Variants in EXOSC1 observed in about 807,000 individuals in gnomAD.
EXOSC1 encodes the protein exosome component 1.
In EXOSC1, 27 loss-of-function variants were observed where a neutral mutation model predicts 31.4. The observed-to-expected ratio is 0.86, with a 90% CI of 0.63 to 1.18. The LOEUF (loss-of-function observed/expected upper bound fraction) is 1.18, where lower values mean the gene tolerates loss of function less well. Among genes scored for constraint, EXOSC1 ranks in the 50% most tolerant of loss-of-function variants. EXOSC1 has a pLI of 0.00. For synonymous variants in EXOSC1, 84 were observed against 89.5 expected, an observed-to-expected ratio of 0.94 and a Z score of 0.35; for missense variants, 228 against 250.3, an observed-to-expected ratio of 0.91 and a Z score of 0.60.
intron 3 of EXOSC1, 23 bp downstream of exon 3, chr10:97,443,214 C>G: frequency 1.9e-6 from 3 of 1,603,316 alleles, no homozygotes; most frequent in Non-Finnish European, 2.6e-6. Context: ...GCATTCTAAG[C>G]ATGGAGGTCA....
intron 3 of EXOSC1, among the ~76,000 whole-genome samples, chr10:97,441,493 T>G (rs1845713804): frequency 6.6e-6 from 1 of 150,394 alleles, no homozygotes; most frequent in African/African-American, 2.5e-5. Flanking sequence ...TGGGTTTTTT[T>G]TTTTTTTTTT....
chr10:97,438,659 C>A lies in EXOSC1; in HGVS notation c.345+11G>T, dbSNP rs1412871101. On this transcript the variant is annotated intron_variant, in intron 5 of 7. Transcript: ENST00000370902. Reference sequence around the variant, plus strand: ...CGTAAAGCCATTAAAAAAAAAGAACCAACCAACAACCTTGTCTTTTTCAGT... The same window carrying A: ...CGTAAAGCCATTAAAAAAAAAGAACAAACCAACAACCTTGTCTTTTTCAGT... 9 of 1,609,350 alleles carry A rather than the reference C, an allele frequency of 5.6e-6. No individual in the cohort carries two copies. The highest frequency in any genetic ancestry group is 6.8e-6 in the Non-Finnish European group (8 of 1,178,388).
At position 97,437,873 on chromosome 10, in the gene EXOSC1, TGTCAA is replaced by T. The variant is rs1372458074; in HGVS notation, c.346-128_346-124del. ...GGAGGGTAGAAATCATCATTACTCA[TGTCAA>T]GTCAAGAACTTTTAATTGCTTCTAC... On this transcript the variant is annotated intron_variant, in intron 5 of 7. Coordinates refer to ENST00000370902, the MANE Select transcript of EXOSC1 (RefSeq NM_016046.5). The T allele has an allele frequency of 7.6e-5, 61 of 804,678 alleles. No homozygotes were observed. In the African/African-American group the frequency reaches 8.1e-4, roughly 11 times the overall value. 49.8% of individuals were successfully genotyped at this position (804,678 alleles called of 1,614,324 possible).
chr10:97,437,116 A>T (rs1845561374), intron 7 of EXOSC1, 75 bp downstream of exon 7: 3 of 1,287,998 alleles, frequency 2.3e-6, no homozygotes, highest in Non-Finnish European at 2.3e-6. Flanking sequence ...GATAAGGGAA[A>T]CCAGGAAAAA....
chr10:97,445,925 C>T, intron 1 of EXOSC1, 30 bp downstream of exon 1: 2 of 1,613,934 alleles, frequency 1.2e-6, no homozygotes, highest in South Asian at 2.2e-5. Context: ...AGCCCCTATC[C>T]AGGACTCTGT....
At chr10:97,443,369 T>C (rs1400799392) in intron 2 of EXOSC1, 58 bp from the exon 3 acceptor site, 3 of 1,473,040 alleles carry the variant, frequency 2.0e-6, no homozygotes, top group African/African-American at 2.8e-5. Context: ...GTCAAGGCAT[T>C]TGTGGCTTGA....
At chr10:97,441,284 A>G (rs1285731760) in intron 3 of EXOSC1, 25 bp from the exon 4 acceptor site, 2 of 1,605,550 alleles carry the variant, frequency 1.2e-6, no homozygotes, top group South Asian at 1.1e-5. Context: ...AAAGATCAGC[A>G]TCAGAGTATA....
At chr10:97,441,814 CTT>C (rs1307067904) in intron 3 of EXOSC1, among the ~76,000 whole-genome samples, 2 of 125,892 alleles carry the variant, frequency 1.6e-5, no homozygotes, top group African/African-American at 3.0e-5. Flanking sequence ...TTTTTTAAAT[CTT>C]TTCACAACTT....
intron 2 of EXOSC1, chr10:97,444,194 T>C (rs1564790366): frequency 6.6e-6 from 1 of 152,250 alleles, no homozygotes; most frequent in Non-Finnish European, 1.5e-5. Context: ...ATAGCGGCTA[T>C]GCTTGTTTTC....
intron 6 of EXOSC1, 60 bp from the exon 7 acceptor site, chr10:97,437,335 C>T (rs1162164371): frequency 2.9e-5 from 40 of 1,361,034 alleles, no homozygotes; most frequent in Non-Finnish European, 4.1e-5. Context: ...CCACCTTAGC[C>T]ACCTGAGTTG....
chr10:97,437,807 C>A, intron 5 of EXOSC1, 57 bp from the exon 6 acceptor site: 1 of 1,407,680 alleles, frequency 7.1e-7, no homozygotes, highest in South Asian at 1.2e-5. Context: ...CTATATGAAA[C>A]TGTGAACGCT....
chr10:97,443,439 C>A lies in EXOSC1; in HGVS notation c.148-128G>T. On this transcript the variant is annotated intron_variant, in intron 2 of 7. Transcript: ENST00000370902. ...AGTTGGAGTATGGATTCATTTATAG[C>A]CCAGAGCAGAAGGCCTTAGAAATTT... 3 of 788,860 alleles carry A rather than the reference C, an allele frequency of 3.8e-6. No individual in the cohort carries two copies. In the South Asian group the frequency reaches 5.3e-5, roughly 14 times the overall value. The allele number at this position is 788,860 out of a possible 1,614,324, so 48.9% of individuals were successfully genotyped here. A position where few individuals can be genotyped will look rare whatever the true frequency, so the allele number is the denominator to read the frequency against.
chr10:97,438,750 ATT>A (rs11316935), intron 4 of EXOSC1, 47 bp from the exon 5 acceptor site: 115,648 of 968,740 alleles, frequency 0.12, 35 homozygotes, highest in Middle Eastern at 0.16. Context: ...GTGAGAAAGA[ATT>A]TTTTTTTTTT....
In EXOSC1 at chr10:97,443,251, T is replaced by C. The variant is rs1343109317; in HGVS notation, c.208A>G (p.Ile70Val). Residue 70 changes from isoleucine (I) to valine (V), a missense_variant, in exon 3 of 8, where the codon ATT (isoleucine) becomes GTT (valine). Coordinates refer to ENST00000370902, the MANE Select transcript of EXOSC1 (RefSeq NM_016046.5). ...ESQLLPDVGA[I>V]VTCKVSSINS... ...GACCAACTTACCTTACAGGTTACAA[T>C]AGCTCCCACATCTGGCAGTAACTGG... 7 of 1,613,994 alleles carry C rather than the reference T, an allele frequency of 4.3e-6. No homozygotes were observed. The African/African-American group carries it at 5.3e-5, about 12-fold the overall frequency.
intron 3 of EXOSC1, 59 bp from the exon 4 acceptor site, chr10:97,441,318 A>G: frequency 6.9e-7 from 1 of 1,458,226 alleles, no homozygotes; most frequent in Non-Finnish European, 9.6e-7. Flanking sequence ...TCAAGGAGGC[A>G]GCAATAAACT....
At chr10:97,441,630 A>T (rs374276450) in intron 3 of EXOSC1, among the ~76,000 whole-genome samples, 2 of 150,920 alleles carry the variant, frequency 1.3e-5, no homozygotes, top group Non-Finnish European at 2.9e-5. Flanking sequence ...AGCTGGGATT[A>T]CAGGCATGCA....
Position 97,436,463 on chromosome 10 carries a change from G to A in EXOSC1, c.570C>T (p.Pro190=), listed in dbSNP as rs754986273. Residue 190 remains proline, a synonymous_variant, in exon 8 of 8, where the codon CCC becomes CCT. Coordinates refer to ENST00000370902, the MANE Select transcript of EXOSC1 (RefSeq NM_016046.5). ...TGGCTTCTTAGGTCTGCAAGAATTC[G>A]GGTTGTACTCGGGCTACTTTCCGGA... ...KEFRKVARVQ[P]EFLQT 5 of 1,612,886 alleles carry A rather than the reference G, an allele frequency of 3.1e-6. No homozygotes were observed. The highest frequency in any genetic ancestry group is 3.3e-5 in the Admixed American group (2 of 59,850).
rs768060541 is a variant in EXOSC1 at position 97,441,272 on chromosome 10, G to GA, written c.223-14dup. On this transcript the variant is annotated splice_polypyrimidine_tract_variant and intron_variant, in intron 3 of 7. Coordinates refer to ENST00000370902, the MANE Select transcript of EXOSC1 (RefSeq NM_016046.5). ...TGATGCTAGAGACCTGCGGAATAGAGAAAAGATCAGCATCAGAGTATAAGC... is the reference window on the plus strand; with the variant it reads ...TGATGCTAGAGACCTGCGGAATAGAGAAAAAGATCAGCATCAGAGTATAAGC... 1.4e-5 allele frequency: 23 copies of GA among 1,611,552 alleles called. No individual in the cohort carries two copies. Among genetic ancestry groups the GA allele is most frequent in the Non-Finnish European group, 1.9e-5 (22 of 1,177,934 alleles).
chr10:97,437,321 TC>T (rs754265523), intron 6 of EXOSC1, 46 bp from the exon 7 acceptor site: 3 of 1,462,238 alleles, frequency 2.1e-6, no homozygotes, highest in East Asian at 4.5e-5. Context: ...TTAGAAGTCT[TC>T]CCCCACCTTA....
Sources: allele counts gnomAD v4.1 joint callset (sites outside exome capture counted in the v4.1 genomes callset), GRCh38; gene constraint gnomAD v4.1.1; transcripts MANE v1.5; gene names NCBI Gene and HGNC (gene_info 2026-07-23, HGNC 2026-07-21).